The following ZNF385A variants were observed in gnomAD, a reference collection of about 807,000 sequenced individuals.
ZNF385A encodes the protein hematopoietic zinc finger protein.
A neutral mutation model predicts 32.1 loss-of-function variants in ZNF385A; 14 were observed. The observed-to-expected ratio is 0.44, with a 90% CI of 0.29 to 0.68. ZNF385A has a LOEUF of 0.68. Among genes scored for constraint, ZNF385A ranks in the 30% least tolerant of loss-of-function variants. The pLI, the probability that ZNF385A is intolerant of heterozygous loss-of-function variation, is 0.14. For missense variants in ZNF385A, 406 were observed against 478.4 expected (o/e 0.85, Z 1.41); for synonymous variants, 197 against 202.7 (o/e 0.97, Z 0.24).
chr12:54,384,695 C>T lies in ZNF385A; in HGVS notation c.-181G>A. ...TGTCACCCTCAGTGCACATAGTGTACACACTTCCCCTGCTGGCTCCAGAGC... is the reference window on the plus strand; with the variant it reads ...TGTCACCCTCAGTGCACATAGTGTATACACTTCCCCTGCTGGCTCCAGAGC... On this transcript the variant is annotated 5_prime_UTR_variant, in exon 1 of 7. Transcript: ENST00000394313. The T allele has an allele frequency of 7.3e-7, 1 of 1,363,572 alleles. No individual in the cohort carries two copies. The highest frequency in any genetic ancestry group is 9.4e-7 in the Non-Finnish European group (1 of 1,062,398). The allele number at this position is 1,363,572 out of a possible 1,614,324, so 84.5% of individuals were successfully genotyped here. A position where few individuals can be genotyped will look rare whatever the true frequency, so the allele number is the denominator to read the frequency against.
intron 3 of ZNF385A, 141 bp from the exon 4 acceptor site, chr12:54,371,856 C>G: frequency 8.0e-7 from 1 of 1,248,646 alleles, no homozygotes; most frequent in Non-Finnish European, 1.1e-6. Context: ...CTCTCATGCC[C>G]TGGTCCAGAG....
chr12:54,388,364 CACA>C (rs1407696710), upstream of ZNF385A, among the ~76,000 whole-genome samples: 1 of 152,182 alleles, frequency 6.6e-6, no homozygotes, highest in Non-Finnish European at 1.5e-5. Context: ...TCAACCAGGC[CACA>C]TCTGGCTTCC....
chr12:54,375,737 C>G (rs1954815432), intron 2 of ZNF385A, 107 bp downstream of exon 2: 2 of 931,666 alleles, frequency 2.1e-6, no homozygotes, highest in Non-Finnish European at 3.4e-6. Context: ...CCCTTAATCC[C>G]TGCCCCTCAA....
Position 54,370,154 on chromosome 12 carries a change from A to C in ZNF385A, c.*102T>G. The C allele has an allele frequency of 8.4e-5, 55 of 654,582 alleles. No individual in the cohort carries two copies. Among genetic ancestry groups the C allele is most frequent in the Non-Finnish European group, 1.1e-4 (48 of 438,884 alleles). The allele number at this position is 654,582 out of a possible 1,614,324, so 40.5% of individuals were successfully genotyped here. On this transcript the variant is annotated 3_prime_UTR_variant, in exon 7 of 7. Transcript: ENST00000394313. The surrounding 1 kb of genome is among the most constrained non-coding windows in gnomAD (Gnocchi z 5.5). ...TCTCGGGGTGGGGGGGGGGAAGGAG[A>C]GATCATTTAGGGAGTGCCGGGAGGA...
At chr12:54,389,348 G>GGT (rs1266734072), upstream of ZNF385A, among the ~76,000 whole-genome samples, 1 of 152,192 alleles carries the variant, frequency 6.6e-6, no homozygotes, top group African/African-American at 2.4e-5. Flanking sequence ...GGTCCCTGGG[G>GGT]GTGGGGCCGG....
intron 1 of ZNF385A, among the ~76,000 whole-genome samples, chr12:54,382,228 C>T (rs1406651997): frequency 1.7e-5 from 2 of 116,076 alleles, no homozygotes; most frequent in Non-Finnish European, 3.9e-5. Flanking sequence ...CCACCACGCC[C>T]GGCTAGTTTT....
At chr12:54,389,714 A>T (rs73322217), upstream of ZNF385A, among the ~76,000 whole-genome samples, 3,480 of 152,170 alleles carry the variant, frequency 0.023, 128 homozygotes, top group African/African-American at 0.079. Flanking sequence ...CAGAGATCAC[A>T]CAGGTTGGAG....
In ZNF385A at chr12:54,383,055, A is replaced by G. The variant is rs1249177; in HGVS notation, c.87+1373T>C. 4.8e-3 allele frequency among the ~76,000 whole-genome samples: 726 copies of G among 152,056 alleles called. 5 individuals are homozygous for G. The highest frequency in any genetic ancestry group is 0.017 in the African/African-American group (686 of 41,476). On this transcript the variant is annotated intron_variant, in intron 1 of 6. Transcript: ENST00000394313. ...TACGTGCCTGTAATCCCAGCTACTG[A>G]GGAGGGTGAGGCAGGAGAATGGCTT...
chr12:54,370,385 C>G lies in ZNF385A; in HGVS notation c.972G>C (p.Ser324=), dbSNP rs368510076. The change falls in exon 7 of 7, where the codon TCG becomes TCC. Residue 324 remains serine (S), a synonymous_variant. Transcript: ENST00000394313. The surrounding 1 kb of genome is among the most constrained non-coding windows in gnomAD (Gnocchi z 5.5). The part of the protein sequence containing the change: ...VAAVMAAAAG[S]PLSLRPAPAA... Reference sequence around the variant, plus strand: ...CTGGAGCCGGGCGCAGGGACAGCGGCGAGCCTGCTGCCGCTGCCATCACTG... The same window carrying G: ...CTGGAGCCGGGCGCAGGGACAGCGGGGAGCCTGCTGCCGCTGCCATCACTG... 53 of 1,525,522 alleles carry G rather than the reference C, an allele frequency of 3.5e-5. No homozygotes were observed. The highest frequency in any genetic ancestry group is 2.5e-4 in the African/African-American group (18 of 72,390). 94.5% of individuals were successfully genotyped at this position (1,525,522 alleles called of 1,614,324 possible). A position where few individuals can be genotyped will look rare whatever the true frequency, so the allele number is the denominator to read the frequency against.
At chr12:54,378,312 A>G (rs2605490) in intron 1 of ZNF385A, among the ~76,000 whole-genome samples, 117,051 of 152,042 alleles carry the variant, frequency 0.77, 45,320 homozygotes, top group Middle Eastern at 0.9. Flanking sequence ...GAGGGGTGAA[A>G]GCCAGCACCT....
At chr12:54,374,224 C>G (rs1954720795) in intron 2 of ZNF385A, 89 bp from the exon 3 acceptor site, 2 of 1,273,978 alleles carry the variant, frequency 1.6e-6, no homozygotes, top group Non-Finnish European at 1.0e-6. Flanking sequence ...CTGGGGTGAT[C>G]TCAGCAGGCT....
intron 2 of ZNF385A, 125 bp downstream of exon 2, chr12:54,375,719 C>T (rs931151379): frequency 3.3e-5 from 26 of 793,910 alleles, no homozygotes; most frequent in Non-Finnish European, 4.5e-5. Flanking sequence ...TGCTCTTTGC[C>T]TAATATCCCC....
intron 1 of ZNF385A, chr12:54,378,946 C>T: frequency 1.7e-6 from 1 of 602,360 alleles, no homozygotes. Flanking sequence ...ATGGGCCGGA[C>T]AGCCCGAGGA....
intron 1 of ZNF385A, chr12:54,391,196 C>CCCAGGAG (rs1329088476): frequency 6.8e-7 from 1 of 1,473,090 alleles, no homozygotes; most frequent in African/African-American, 1.5e-5. Context: ...CAGAGAGGAA[C>CCCAGGAG]CCAGGAGCCG....
upstream of ZNF385A, among the ~76,000 whole-genome samples, chr12:54,387,632 C>T (rs1305575708): frequency 6.6e-6 from 1 of 152,260 alleles, no homozygotes; most frequent in Non-Finnish European, 1.5e-5. Context: ...CTCTCAGTCT[C>T]ATTTCTCATC....
At chr12:54,371,830 T>A in intron 3 of ZNF385A, 115 bp from the exon 4 acceptor site, 11 of 1,448,896 alleles carry the variant, frequency 7.6e-6, no homozygotes, top group Non-Finnish European at 9.4e-6. Flanking sequence ...GTCCCCACCC[T>A]GTTACAACAT....
Position 54,370,272 on chromosome 12 carries a change from A to G in ZNF385A, c.1085T>C (p.Leu362Pro), listed in dbSNP as rs1954446875. Reference sequence around the variant, plus strand: ...GGGTTGAGGTCAGTACGGGGAGAAGAGGATGGGTCCGTGCGCAGTTCGGAT... The same window carrying G: ...GGGTTGAGGTCAGTACGGGGAGAAGGGGATGGGTCCGTGCGCAGTTCGGAT... ...GPIRTAHGPI[L>P]FSPY is the part of the protein sequence containing the mutation. Residue 362 changes from leucine (L) to proline (P), a missense_variant, in exon 7 of 7, where the codon CTC (leucine) becomes CCC (proline). By Grantham distance (98) the Leu-to-Pro change is moderately conservative. Transcript: ENST00000394313. This position sits in a 1 kb window ranked among gnomAD's most constrained non-coding sequence, Gnocchi z 5.5. 1 of 1,463,710 alleles carries G rather than the reference A, an allele frequency of 6.8e-7. No individual in the cohort carries two copies. The highest frequency in any genetic ancestry group is 9.0e-7 in the Non-Finnish European group (1 of 1,105,626). The allele number at this position is 1,463,710 out of a possible 1,614,324, so 90.7% of individuals were successfully genotyped here.
chr12:54,373,482 G>GAA (rs61690616), intron 3 of ZNF385A, among the ~76,000 whole-genome samples: 31 of 144,498 alleles, frequency 2.1e-4, no homozygotes, highest in African/African-American at 7.2e-4. Context: ...CTATTTCCCA[G>GAA]AAAAAAAAAA....
chr12:54,385,773 C>T (rs976288332), upstream of ZNF385A: 6 of 546,474 alleles, frequency 1.1e-5, no homozygotes, highest in Non-Finnish European at 1.4e-5. Context: ...CTGCCCTCTG[C>T]CCCCTCCCTT....
Sources: allele counts gnomAD v4.1 joint callset (sites outside exome capture counted in the v4.1 genomes callset), GRCh38; gene constraint gnomAD v4.1.1; non-coding constraint Gnocchi (gnomAD v3.1); transcripts MANE v1.5; gene names NCBI Gene and HGNC (gene_info 2026-07-23, HGNC 2026-07-21).